Variants in RAB4A observed in about 807,000 individuals in gnomAD.
RAB4A encodes the protein RAB4A, member RAS oncogene family, also known as ras-related protein Rab-4A.
In RAB4A, 20 loss-of-function variants were observed where a neutral mutation model predicts 34.5. That is an observed-to-expected ratio of 0.58 (90% CI 0.41 to 0.84). The LOEUF (loss-of-function observed/expected upper bound fraction) is 0.84, where lower values mean the gene tolerates loss of function less well. Ranked by LOEUF, RAB4A falls within the 40% of genes least tolerant of loss-of-function variation. The pLI is 0.00. For missense variants in RAB4A, 228 were observed against 274.5 expected (o/e 0.83, Z 1.20); for synonymous variants, 102 against 100.0 (o/e 1.02, Z -0.12).
At chr1:229,303,512 C>G (rs1657472032) in intron 7 of RAB4A, among the ~76,000 whole-genome samples, 1 of 152,154 alleles carries the variant, frequency 6.6e-6, no homozygotes, top group African/African-American at 2.4e-5. Context: ...ATCCTGATTC[C>G]TTATGTCAGT....
Position 229,302,299 on chromosome 1 carries a change from ATATATATATATTTTTT to A in RAB4A, c.542-561_542-546del, listed in dbSNP as rs1336974763. Among the ~76,000 whole-genome samples, 33 of 37,628 alleles carry A rather than the reference ATATATATATATTTTTT, an allele frequency of 8.8e-4. 2 individuals are homozygous for A. The highest frequency in any genetic ancestry group is 3.2e-3 in the African/African-American group (30 of 9,474). 24.7% of individuals were successfully genotyped at this position (37,628 alleles called of 152,430 possible). ...TATATATATATATATATATATATATATATATATATATTTTTTTTTTTTTTTTACATGTGCATGAGTC... is the reference window on the plus strand; with the variant it reads ...TATATATATATATATATATATATATATTTTTTTTTTACATGTGCATGAGTC... On this transcript the variant is annotated intron_variant, in intron 6 of 7. Transcript: ENST00000366690.
At position 229,300,262 on chromosome 1, in the gene RAB4A, C is replaced by A. The variant is rs529781556; in HGVS notation, c.541+1190C>A. On this transcript the variant is annotated intron_variant, in intron 6 of 7. Transcript: ENST00000366690. ...ACTGCTGTAGGTGGTGGGTTGTCAG[C>A]AGGTGGGTGATGTGATTGGGTTGTG... is the stretch of plus-strand genomic sequence containing the variant. Among the ~76,000 whole-genome samples the A allele has an allele frequency of 7.9e-5, 12 of 152,264 alleles. No individual in the cohort carries two copies. In the South Asian group the frequency reaches 2.5e-3, roughly 32 times the overall value.
Position 229,302,293 on chromosome 1 carries a change from ATATATATATATATATATTTT to A in RAB4A, c.542-567_542-548del, listed in dbSNP as rs1429957291. On this transcript the variant is annotated intron_variant, in intron 6 of 7. Coordinates refer to ENST00000366690, the MANE Select transcript of RAB4A (RefSeq NM_004578.4). Reference sequence around the variant, plus strand: ...TATATATATATATATATATATATATATATATATATATATATATTTTTTTTTTTTTTTTACATGTGCATGAG... The same window carrying A: ...TATATATATATATATATATATATATATTTTTTTTTTTTACATGTGCATGAG... Among the ~76,000 whole-genome samples, 39 of 24,220 alleles carry A rather than the reference ATATATATATATATATATTTT, an allele frequency of 1.6e-3. 1 individual carries two copies. Among genetic ancestry groups the A allele is most frequent in the South Asian group, 4.9e-3 (5 of 1,018 alleles). The allele number at this position is 24,220 out of a possible 152,430, so 15.9% of individuals were successfully genotyped here. A position where few individuals can be genotyped will look rare whatever the true frequency, so the allele number is the denominator to read the frequency against.
Position 229,302,288 on chromosome 1 carries a change from TATATATA to T in RAB4A, c.542-573_542-567del, listed in dbSNP as rs1558242327. Among the ~76,000 whole-genome samples, 180 of 24,112 alleles carry T rather than the reference TATATATA, an allele frequency of 7.5e-3. 10 individuals carry two copies. The highest frequency in any genetic ancestry group is 0.029 in the African/African-American group (168 of 5,866). 15.8% of individuals were successfully genotyped at this position (24,112 alleles called of 152,430 possible). A position where few individuals can be genotyped will look rare whatever the true frequency, so the allele number is the denominator to read the frequency against. ...ATATATATATATATATATATATATATATATATATATATATATATATATTTTTTTTTTT... is the reference window on the plus strand; with the variant it reads ...ATATATATATATATATATATATATATTATATATATATATATTTTTTTTTTT... On this transcript the variant is annotated intron_variant, in intron 6 of 7. Transcript: ENST00000366690.
chr1:229,285,592 C>G (rs562673052), intron 1 of RAB4A, among the ~76,000 whole-genome samples: 9 of 152,176 alleles, frequency 5.9e-5, no homozygotes, highest in African/African-American at 2.2e-4. Flanking sequence ...GCCTTTGAGG[C>G]CACAGAAGGA....
chr1:229,289,106 G>A, intron 3 of RAB4A: 1 of 394,188 alleles, frequency 2.5e-6, no homozygotes, highest in South Asian at 2.8e-5. Context: ...TCAGGAGGAT[G>A]TGGCACTGTG....
intron 1 of RAB4A, among the ~76,000 whole-genome samples, chr1:229,281,687 G>C (rs1014617114): frequency 2.0e-5 from 3 of 151,484 alleles, no homozygotes; most frequent in African/African-American, 7.3e-5. Flanking sequence ...TTCTTTTCCA[G>C]CCTGCCTTGA....
rs72749810 is a variant in RAB4A at position 229,283,504 on chromosome 1, C to G, written c.32-2982C>G. On this transcript the variant is annotated intron_variant, in intron 1 of 7. Coordinates refer to ENST00000366690, the MANE Select transcript of RAB4A (RefSeq NM_004578.4). The stretch of plus-strand genomic sequence containing the variant: ...TTTTCCTCTCTCTTGCTTGGCTGCC[C>G]CTTTTTTGGTCCCATGGCTACAGAG... Among the ~76,000 whole-genome samples the G allele has an allele frequency of 9.8e-3, 1,489 of 152,258 alleles. 4 individuals carry two copies. The highest frequency in any genetic ancestry group is 0.016 in the Admixed American group (246 of 15,294).
chr1:229,279,961 A>C (rs1656742183), intron 1 of RAB4A, among the ~76,000 whole-genome samples: 1 of 152,238 alleles, frequency 6.6e-6, no homozygotes, highest in Non-Finnish European at 1.5e-5. Context: ...TTAGTTATAT[A>C]ACCTACATAG....
intron 3 of RAB4A, among the ~76,000 whole-genome samples, chr1:229,294,577 C>T (rs237773): frequency 0.016 from 2,479 of 152,286 alleles, 69 homozygotes; most frequent in African/African-American, 0.056. Context: ...TGGTGGCTCA[C>T]GCCTGTAATC....
chr1:229,287,014 A>C (rs1190075268), intron 2 of RAB4A, among the ~76,000 whole-genome samples: 1 of 152,190 alleles, frequency 6.6e-6, no homozygotes, highest in Non-Finnish European at 1.5e-5. Flanking sequence ...CCCATCTTTT[A>C]CCATTGACTT....
chr1:229,295,772 G>A (rs1657236574), intron 3 of RAB4A, 76 bp from the exon 4 acceptor site: 1 of 1,388,490 alleles, frequency 7.2e-7, no homozygotes, highest in Non-Finnish European at 1.0e-6. Context: ...GCAAGCATGG[G>A]TGTTTTTTCA....
intron 3 of RAB4A, among the ~76,000 whole-genome samples, chr1:229,293,253 A>G (rs1015203835): frequency 4.6e-5 from 7 of 152,018 alleles, no homozygotes; most frequent in Non-Finnish European, 7.4e-5. Context: ...TTTTTTGTGG[A>G]GGTTTTATTA....
Position 229,293,486 on chromosome 1 carries a change from A to G in RAB4A, c.228-2362A>G, listed in dbSNP as rs1411024818. 2.0e-5 allele frequency among the ~76,000 whole-genome samples: 3 copies of G among 152,202 alleles called. No individual in the cohort carries two copies. The East Asian group carries it at 5.8e-4, about 29-fold the overall frequency. On this transcript the variant is annotated intron_variant, in intron 3 of 7. Coordinates refer to ENST00000366690, the MANE Select transcript of RAB4A (RefSeq NM_004578.4). ...AGACACCTTTATCACTAAGGAAATC[A>G]CAGGGGTTTGGGCCTCTGTGCCAGG...
chr1:229,295,755 T>A, intron 3 of RAB4A, 93 bp from the exon 4 acceptor site: 2 of 1,227,660 alleles, frequency 1.6e-6, no homozygotes, highest in Non-Finnish European at 2.4e-6. Flanking sequence ...GTGTTGTGGT[T>A]TACAAAGCAA....
chr1:229,276,585 A>G (rs529560186), intron 1 of RAB4A, among the ~76,000 whole-genome samples: 2 of 151,410 alleles, frequency 1.3e-5, no homozygotes, highest in East Asian at 3.9e-4. Flanking sequence ...ATTCACGCCT[A>G]TGCCCCATCT....
intron 1 of RAB4A, among the ~76,000 whole-genome samples, chr1:229,271,832 T>C (rs1656492676): frequency 6.6e-6 from 1 of 152,206 alleles, no homozygotes; most frequent in Admixed American, 6.5e-5. Context: ...TGCTTTACAT[T>C]GGGATTACAG....
rs1377337929 is a variant in RAB4A at position 229,271,230 on chromosome 1, GCCCCTCCCTCCT to G, written c.-107_-96del. 2.1e-4 allele frequency: 235 copies of G among 1,126,206 alleles called. 2 individuals carry two copies. The South Asian group carries it at 6.5e-3, about 31-fold the overall frequency. The allele number at this position is 1,126,206 out of a possible 1,614,324, so 69.8% of individuals were successfully genotyped here. A position where few individuals can be genotyped will look rare whatever the true frequency, so the allele number is the denominator to read the frequency against. Reference sequence around the variant, plus strand: ...GGCGGTTGCCGTGGGGACCGGTCGGGCCCCTCCCTCCTCCGGTCCCCCGCCCCAGGTCCTTCC... The same window carrying G: ...GGCGGTTGCCGTGGGGACCGGTCGGGCCGGTCCCCCGCCCCAGGTCCTTCC... On this transcript the variant is annotated 5_prime_UTR_variant, in exon 1 of 8. Transcript: ENST00000366690.
Position 229,286,505 on chromosome 1 carries a change from G to T in RAB4A, c.51G>T (p.Leu17Phe). 2 of 1,576,240 alleles carry T rather than the reference G, an allele frequency of 1.3e-6. No individual in the cohort carries two copies. The highest frequency in any genetic ancestry group is 1.2e-5 in the South Asian group (1 of 83,712). ...TTTCAGATTTTTTGTTTAAGTTCTT[G>T]GTTATTGGAAATGCAGGAACTGGCA... ...SETYDFLFKF[L>F]VIGNAGTGKS... Residue 17 changes from leucine (L) to phenylalanine (F), a missense_variant, in exon 2 of 8, where the codon TTG (leucine) becomes TTT (phenylalanine). Coordinates refer to ENST00000366690, the MANE Select transcript of RAB4A (RefSeq NM_004578.4).
Sources: allele counts gnomAD v4.1 joint callset (sites outside exome capture counted in the v4.1 genomes callset), GRCh38; gene constraint gnomAD v4.1.1; transcripts MANE v1.5; gene names NCBI Gene and HGNC (gene_info 2026-07-23, HGNC 2026-07-21).